The following CREM variants were observed in gnomAD, a reference collection of about 807,000 sequenced individuals.
CREM encodes the protein cAMP responsive element modulator.
Under a neutral mutation model 37.3 loss-of-function variants are expected in CREM, and 13 were observed. That is an observed-to-expected ratio of 0.35 (90% CI 0.23 to 0.55). The LOEUF is 0.55. Ranked by LOEUF, CREM falls within the 20% of genes least tolerant of loss-of-function variation. The probability of loss-of-function intolerance (pLI) is 0.88; values close to 1 mark genes in which losing one functional copy is unlikely to be tolerated. For missense variants in CREM, 296 were observed against 362.3 expected (o/e 0.82, Z 1.49); for synonymous variants, 124 against 120.2 (o/e 1.03, Z -0.21).
intron 3 of CREM, among the ~76,000 whole-genome samples, chr10:35,159,694 A>T (rs960412050): frequency 1.2e-4 from 19 of 152,372 alleles, no homozygotes; most frequent in African/African-American, 4.6e-4. Context: ...AGCACAGGCA[A>T]CAAAAGCAAA....
At chr10:35,144,976 A>G (rs1440805967) in intron 2 of CREM, among the ~76,000 whole-genome samples, 1 of 151,870 alleles carries the variant, frequency 6.6e-6, no homozygotes, top group Non-Finnish European at 1.5e-5. Flanking sequence ...CCTGGCCAAC[A>G]TGGTTAAACC....
chr10:35,142,049 A>G (rs2091504352), intron 2 of CREM, among the ~76,000 whole-genome samples: 1 of 152,208 alleles, frequency 6.6e-6, no homozygotes, highest in Admixed American at 6.5e-5. Context: ...TTAGAGGTAG[A>G]AACCTCTCTA....
At chr10:35,203,022 A>G (rs377166428) in intron 6 of CREM, among the ~76,000 whole-genome samples, 2 of 151,828 alleles carry the variant, frequency 1.3e-5, no homozygotes, top group African/African-American at 4.8e-5. Context: ...TGATAAATAC[A>G]AGGCCAATGA....
chr10:35,141,861 G>C (rs1027289755), intron 2 of CREM, among the ~76,000 whole-genome samples: 7 of 152,132 alleles, frequency 4.6e-5, no homozygotes, highest in African/African-American at 1.7e-4. Flanking sequence ...AGCTTGTGGA[G>C]GAATTGTCAG....
chr10:35,162,239 A>G (rs1324638157), intron 3 of CREM, among the ~76,000 whole-genome samples: 1 of 152,210 alleles, frequency 6.6e-6, no homozygotes, highest in East Asian at 1.9e-4. Flanking sequence ...ATTAGAGGGA[A>G]GAATGGTGGT....
Position 35,148,456 on chromosome 10 carries a change from C to G in CREM, c.133C>G (p.Gln45Glu). ...TESKSAHVQT[Q>E]TGQNSIPALA... is the part of the protein sequence containing the mutation. ...GAGCAAGTCTGCTCATGTGCAGACT[C>G]AGACTGGCCAAAATTCAATCCCTGC... The change falls in exon 3 of 8, where the codon CAG (glutamine) becomes GAG (glutamate). Residue 45 changes from glutamine to glutamate, a missense_variant. Physicochemically the swap from Gln to Glu is conservative, Grantham distance 29. Coordinates refer to ENST00000685392, the MANE Select transcript of CREM (RefSeq NM_183011.2). The G allele has an allele frequency of 6.2e-7, 1 of 1,613,322 alleles. No homozygotes were observed. Among genetic ancestry groups the G allele is most frequent in the Admixed American group, 1.7e-5 (1 of 59,872 alleles).
chr10:35,158,992 A>G (rs1357356910), intron 3 of CREM, among the ~76,000 whole-genome samples: 2 of 151,826 alleles, frequency 1.3e-5, no homozygotes, highest in Non-Finnish European at 2.9e-5. Context: ...TTTTTTTTGA[A>G]GAAAGAAAGT....
intron 5 of CREM, chr10:35,179,577 T>C (rs1321763730): frequency 1.3e-5 from 4 of 318,064 alleles, no homozygotes; most frequent in Non-Finnish European, 2.3e-5. Flanking sequence ...GTTTTTGTTG[T>C]CTTTATGATG....
chr10:35,132,055 G>T (rs1353096432), intron 1 of CREM, among the ~76,000 whole-genome samples: 1 of 152,082 alleles, frequency 6.6e-6, no homozygotes, highest in Non-Finnish European at 1.5e-5. Context: ...ACAAAAATTA[G>T]CTGGGCATGG....
intron 6 of CREM, 87 bp downstream of exon 6, chr10:35,188,475 A>G: frequency 4.8e-6 from 6 of 1,238,398 alleles, no homozygotes; most frequent in Non-Finnish European, 6.5e-6. Context: ...TTTTTGAAAT[A>G]GATCGAAGGT....
At chr10:35,196,023 G>T in intron 6 of CREM, 1 of 1,611,190 alleles carries the variant, frequency 6.2e-7, no homozygotes, top group Non-Finnish European at 8.5e-7. Flanking sequence ...TGAAGTGGTT[G>T]TCTGCTTGAA....
chr10:35,178,345 T>C (rs1321360898), intron 3 of CREM, among the ~76,000 whole-genome samples: 1 of 152,230 alleles, frequency 6.6e-6, no homozygotes, highest in Non-Finnish European at 1.5e-5. Context: ...AACTTACTCC[T>C]TGTAATAGAA....
At position 35,211,970 on chromosome 10, in the gene CREM, A is replaced by G; in HGVS notation, c.*572A>G. ...TGTACGTAGTTAAGTCGTAGCTATAACTTCAAATTTTTTAAAAGAGACAAA... is the reference window on the plus strand; with the variant it reads ...TGTACGTAGTTAAGTCGTAGCTATAGCTTCAAATTTTTTAAAAGAGACAAA... On this transcript the variant is annotated 3_prime_UTR_variant, in exon 8 of 8. Transcript: ENST00000685392. 1 of 604,200 alleles carries G rather than the reference A, an allele frequency of 1.7e-6. No homozygotes were observed. The highest frequency in any genetic ancestry group is 2.5e-6 in the Non-Finnish European group (1 of 394,638). 37.4% of individuals were successfully genotyped at this position (604,200 alleles called of 1,614,324 possible). A position where few individuals can be genotyped will look rare whatever the true frequency, so the allele number is the denominator to read the frequency against.
chr10:35,206,450 C>G (rs549833248), intron 6 of CREM, among the ~76,000 whole-genome samples: 16 of 152,252 alleles, frequency 1.1e-4, no homozygotes, highest in Non-Finnish European at 1.9e-4. Flanking sequence ...GTGTGTCTTT[C>G]CAACTCTACG....
At chr10:35,178,139 T>C (rs115659092) in intron 3 of CREM, among the ~76,000 whole-genome samples, 392 of 152,302 alleles carry the variant, frequency 2.6e-3, no homozygotes, top group African/African-American at 9.1e-3. Context: ...CCTCAAAGTA[T>C]TAATAATTGA....
intron 3 of CREM, among the ~76,000 whole-genome samples, chr10:35,165,083 A>AAAG (rs2093482768): frequency 1.3e-5 from 2 of 149,912 alleles, no homozygotes; most frequent in Non-Finnish European, 3.0e-5. Context: ...AAAAAAGAAA[A>AAAG]GGAAAAAGAA....
At chr10:35,168,226 A>G (rs1345117712) in intron 3 of CREM, among the ~76,000 whole-genome samples, 1 of 152,194 alleles carries the variant, frequency 6.6e-6, no homozygotes, top group Non-Finnish European at 1.5e-5. Flanking sequence ...ACAGTGTAAA[A>G]GTGTTCCTAT....
chr10:35,170,850 T>A (rs1392003825), intron 3 of CREM, among the ~76,000 whole-genome samples: 1 of 152,204 alleles, frequency 6.6e-6, no homozygotes, highest in East Asian at 1.9e-4. Flanking sequence ...AGGTTGACGC[T>A]CTTGCTTATA....
At chr10:35,183,665 T>A (rs2094443677) in intron 5 of CREM, among the ~76,000 whole-genome samples, 1 of 152,270 alleles carries the variant, frequency 6.6e-6, no homozygotes, top group African/African-American at 2.4e-5. Flanking sequence ...GTTAATGCAG[T>A]GAGATTTCAT....
Sources: allele counts gnomAD v4.1 joint callset (sites outside exome capture counted in the v4.1 genomes callset), GRCh38; gene constraint gnomAD v4.1.1; transcripts MANE v1.5; gene names NCBI Gene and HGNC (gene_info 2026-07-23, HGNC 2026-07-21).